TRIM42: variants seen among roughly 807,000 people sequenced by gnomAD.
The protein encoded by TRIM42 is tripartite motif containing 42, also known as tripartite motif-containing protein 42.
A neutral mutation model predicts 64.9 loss-of-function variants in TRIM42; 59 were observed. The ratio of observed to expected loss-of-function variants is 0.91; its 90% CI spans 0.74 to 1.13. The LOEUF (loss-of-function observed/expected upper bound fraction) is 1.13, where lower values mean the gene tolerates loss of function less well. Ranked by LOEUF, TRIM42 falls within the 50% of genes most tolerant of loss-of-function variation. The pLI is 0.00. For missense variants in TRIM42, 878 were observed against 929.5 expected (o/e 0.94, Z 0.72); for synonymous variants, 354 against 346.3 (o/e 1.02, Z -0.25).
At position 140,690,985 on chromosome 3, in the gene TRIM42, A is replaced by G. The variant is rs769308385; in HGVS notation, c.1878A>G (p.Pro626=). 2.5e-6 allele frequency: 4 copies of G among 1,613,924 alleles called. No homozygotes were observed. The highest frequency in any genetic ancestry group is 2.2e-5 in the South Asian group (2 of 91,068). Residue 626 remains proline (P), a synonymous_variant, in exon 4 of 5, where the codon CCA becomes CCG. Transcript: ENST00000286349. ...TTCCATAGGTTTACTGGACATGTCC[A>G]GCAGAAGACGTGGACTCTTTTGAGA... is the stretch of plus-strand genomic sequence containing the variant. ...PRAAKVYWTC[P]AEDVDSFEME... is the part of the protein sequence containing the mutation.
Position 140,700,844 on chromosome 3 carries a change from G to A in TRIM42, c.2086-44G>A, listed in dbSNP as rs537808484. The A allele has an allele frequency of 1.3e-4, 197 of 1,575,064 alleles. No individual in the cohort carries two copies. The South Asian group carries it at 2.0e-3, about 16-fold the overall frequency. On this transcript the variant is annotated intron_variant, in intron 4 of 4. Transcript: ENST00000286349. ...TGCAGAAGGGCCCAGGCTACTGGGA[G>A]CTGTTGTCTATTGGGTGTCATGACT...
intron 2 of TRIM42, among the ~76,000 whole-genome samples, 181 bp from the exon 3 acceptor site, chr3:140,687,541 C>G (rs1012603986): frequency 1.3e-5 from 2 of 152,150 alleles, no homozygotes; most frequent in African/African-American, 4.8e-5. Context: ...GAAGGGTGTA[C>G]TAAGGAGGAC....
chr3:140,689,001 C>T (rs1224959686), intron 3 of TRIM42, among the ~76,000 whole-genome samples: 5 of 152,208 alleles, frequency 3.3e-5, no homozygotes, highest in Admixed American at 3.3e-4. Flanking sequence ...TATCCAGAAT[C>T]TCTATGATTT....
chr3:140,683,026 C>A lies in TRIM42; in HGVS notation c.906C>A (p.Cys302Ter). 16 of 1,614,236 alleles carry A rather than the reference C, an allele frequency of 9.9e-6. No homozygotes were observed. The highest frequency in any genetic ancestry group is 1.4e-5 in the Non-Finnish European group (16 of 1,180,044). The part of the protein sequence containing the change: ...HHPSSRIIEY[C>*]RNDNKLLCTF... Reference sequence around the variant, plus strand: ...CATCCAGCCGCATCATCGAGTACTGCCGCAATGACAACAAATTGCTCTGCA... The same window carrying A: ...CATCCAGCCGCATCATCGAGTACTGACGCAATGACAACAAATTGCTCTGCA... Residue 302 changes from cysteine (C) to a stop codon, truncating the protein, a stop_gained, in exon 2 of 5, where the codon TGC (cysteine) becomes TGA (stop). Coordinates refer to ENST00000286349, the MANE Select transcript of TRIM42 (RefSeq NM_152616.5). LOFTEE classifies it high-confidence loss of function.
In TRIM42 at chr3:140,678,374, A is replaced by C. The variant is rs1325293810; in HGVS notation, c.145A>C (p.Asn49His). The change falls in exon 1 of 5, where the codon AAC becomes CAC. Residue 49 changes from asparagine (N) to histidine (H), a missense_variant. Asn to His is a moderately conservative substitution (Grantham distance 68). Transcript: ENST00000286349. ...CFPCPYKDER[N>H]CQFCHCTCSE... ...CCCCTGCCCTTACAAAGATGAGCGG[A>C]ACTGCCAGTTCTGCCACTGCACCTG... The C allele has an allele frequency of 1.2e-6, 2 of 1,614,186 alleles. No individual in the cohort carries two copies. The highest frequency in any genetic ancestry group is 3.3e-5 in the Admixed American group (2 of 60,026).
In TRIM42 at chr3:140,688,561, C is replaced by T. The variant is rs370052208; in HGVS notation, c.1860+19C>T. On this transcript the variant is annotated intron_variant, in intron 3 of 4. Coordinates refer to ENST00000286349, the MANE Select transcript of TRIM42 (RefSeq NM_152616.5). ...TGCCAAGGTAAGAAAGGTTCTGGGC[C>T]CAGTGGGGAAGTGGGAGGGTGTGGG... The T allele has an allele frequency of 5.7e-6, 9 of 1,579,656 alleles. No individual in the cohort carries two copies. The highest frequency in any genetic ancestry group is 6.9e-6 in the Non-Finnish European group (8 of 1,161,258).
Position 140,683,044 on chromosome 3 carries a change from G to A in TRIM42, c.924G>A (p.Leu308=), listed in dbSNP as rs139032350. 5.6e-6 allele frequency: 9 copies of A among 1,614,044 alleles called. No individual in the cohort carries two copies. In the African/African-American group the frequency reaches 1.1e-4, roughly 19 times the overall value. ...IIEYCRNDNK[L]LCTFCKFSFH... is the part of the protein sequence containing the mutation. ...AGTACTGCCGCAATGACAACAAATT[G>A]CTCTGCACCTTCTGCAAGTTCTCTT... is the stretch of plus-strand genomic sequence containing the variant. Residue 308 remains leucine (L), a synonymous_variant, in exon 2 of 5, where the codon TTG becomes TTA. Coordinates refer to ENST00000286349, the MANE Select transcript of TRIM42 (RefSeq NM_152616.5).
intron 1 of TRIM42, among the ~76,000 whole-genome samples, chr3:140,679,620 T>C (rs984286093): frequency 5.9e-5 from 9 of 152,272 alleles, no homozygotes; most frequent in African/African-American, 2.2e-4. Context: ...GACCCTCTCA[T>C]AGTGTTTGCA....
chr3:140,685,913 T>C (rs1988535098), intron 2 of TRIM42, among the ~76,000 whole-genome samples: 1 of 152,184 alleles, frequency 6.6e-6, no homozygotes, highest in African/African-American at 2.4e-5. Flanking sequence ...AACATATGGA[T>C]CTGGTCCATA....
chr3:140,682,345 G>A, intron 1 of TRIM42, 117 bp from the exon 2 acceptor site: 1 of 989,944 alleles, frequency 1.0e-6, no homozygotes, highest in Non-Finnish European at 1.5e-6. Context: ...CCCAGCTCAG[G>A]CTCCTCACCA....
In TRIM42 at chr3:140,682,641, A is replaced by T. The variant is rs1024162702; in HGVS notation, c.521A>T (p.Gln174Leu). The change falls in exon 2 of 5, where the codon CAG becomes CTG. Residue 174 changes from glutamine (Q) to leucine (L), a missense_variant. Physicochemically the swap from Gln to Leu is moderately radical, Grantham distance 113. Transcript: ENST00000286349. ...TGCGAGAAGTGCCTGCGGCAGCTGC[A>T]GAAGCACGCCGAGGTCACCGAGAAC... ...SLCEKCLRQL[Q>L]KHAEVTENFF... 2 of 1,613,924 alleles carry T rather than the reference A, an allele frequency of 1.2e-6. No homozygotes were observed. The highest frequency in any genetic ancestry group is 1.7e-5 in the Admixed American group (1 of 60,024).
chr3:140,697,838 C>T (rs1988895596), intron 4 of TRIM42, among the ~76,000 whole-genome samples: 1 of 152,184 alleles, frequency 6.6e-6, no homozygotes, highest in Non-Finnish European at 1.5e-5. Context: ...CGCCCGCCAC[C>T]ACGCCCGGCT....
In TRIM42 at chr3:140,687,610, T is replaced by C. The variant is rs1988578461; in HGVS notation, c.1040-112T>C. ...TCAGCCCAACTACAAGTGCCTTCCCTCCCTCTTCATTCACCTCCTTGGAGC... is the reference window on the plus strand; with the variant it reads ...TCAGCCCAACTACAAGTGCCTTCCCCCCCTCTTCATTCACCTCCTTGGAGC... On this transcript the variant is annotated intron_variant, in intron 2 of 4. Transcript: ENST00000286349. 3.9e-6 allele frequency: 3 copies of C among 774,660 alleles called. No individual in the cohort carries two copies. The South Asian group carries it at 5.7e-5, about 15-fold the overall frequency. 48.0% of individuals were successfully genotyped at this position (774,660 alleles called of 1,614,324 possible).
rs935626217 is a variant in TRIM42, at chr3:140,679,231, C to A, written c.341+661C>A. On this transcript the variant is annotated intron_variant, in intron 1 of 4. Coordinates refer to ENST00000286349, the MANE Select transcript of TRIM42 (RefSeq NM_152616.5). Reference sequence around the variant, plus strand: ...GACCCTGCGGACCATATAAATACCCCATACATCCATGAACTCCTACTACCT... The same window carrying A: ...GACCCTGCGGACCATATAAATACCCAATACATCCATGAACTCCTACTACCT... Among the ~76,000 whole-genome samples, 3 of 152,140 alleles carry A rather than the reference C, an allele frequency of 2.0e-5. No homozygotes were observed. In the South Asian group the frequency reaches 6.2e-4, roughly 31 times the overall value.
chr3:140,688,612 G>C, intron 3 of TRIM42, 70 bp downstream of exon 3: 3 of 1,313,984 alleles, frequency 2.3e-6, no homozygotes, highest in East Asian at 2.3e-5. Flanking sequence ...GAGTAGTCAG[G>C]AAAGGTTGCA....
At chr3:140,686,611 A>G (rs539263904) in intron 2 of TRIM42, among the ~76,000 whole-genome samples, 17 of 152,332 alleles carry the variant, frequency 1.1e-4, no homozygotes, top group African/African-American at 3.8e-4. Flanking sequence ...CACTCACAGA[A>G]GTCCAGCTTC....
Position 140,700,914 on chromosome 3 carries a change from G to A in TRIM42, c.2112G>A (p.Lys704=). 2 of 1,614,162 alleles carry A rather than the reference G, an allele frequency of 1.2e-6. No homozygotes were observed. Among genetic ancestry groups the A allele is most frequent in the African/African-American group, 2.7e-5 (2 of 75,050 alleles). Residue 704 remains lysine (K), a synonymous_variant, in exon 5 of 5, where the codon AAG becomes AAA. Transcript: ENST00000286349. ...TGGTAACACCAGATGGACATGGGAA[G>A]AACCGAGCTAAGTGGGGCCTGCTGA... ...CKVVTPDGHG[K]NRAKWGLLKN...
At position 140,687,861 on chromosome 3, in the gene TRIM42, C is replaced by A. The variant is rs781471958; in HGVS notation, c.1179C>A (p.Ile393=). Residue 393 remains isoleucine (I), a synonymous_variant, in exon 3 of 5, where the codon ATC becomes ATA. Coordinates refer to ENST00000286349, the MANE Select transcript of TRIM42 (RefSeq NM_152616.5). ...LRSILQEKEK[I]IMEQIENLEV... ...GCATTCTTCAGGAGAAAGAGAAGAT[C>A]ATCATGGAGCAGATAGAGAATCTAG... 11 of 1,614,172 alleles carry A rather than the reference C, an allele frequency of 6.8e-6. No homozygotes were observed. In the South Asian group the frequency reaches 1.2e-4, roughly 18 times the overall value.
At chr3:140,686,511 T>G (rs999143501) in intron 2 of TRIM42, among the ~76,000 whole-genome samples, 1 of 152,190 alleles carries the variant, frequency 6.6e-6, no homozygotes, top group Non-Finnish European at 1.5e-5. Context: ...CACACCATAG[T>G]CATAGTGGTA....
Sources: allele counts gnomAD v4.1 joint callset (sites outside exome capture counted in the v4.1 genomes callset), GRCh38; gene constraint gnomAD v4.1.1; transcripts MANE v1.5; gene names NCBI Gene and HGNC (gene_info 2026-07-23, HGNC 2026-07-21).